GFRAL: variants seen among roughly 807,000 people sequenced by gnomAD.
GFRAL encodes the protein GDNF family receptor alpha like, also known as GDNF family receptor alpha-like.
Under a neutral mutation model 45.4 loss-of-function variants are expected in GFRAL, and 36 were observed. That is an observed-to-expected ratio of 0.79 (90% confidence interval 0.61 to 1.05). GFRAL has a LOEUF of 1.05. Ranked by LOEUF, GFRAL falls within the 50% of genes least tolerant of loss-of-function variation. The pLI is 0.00. For missense variants in GFRAL, 507 were observed against 467.5 expected (o/e 1.08, Z -0.78); for synonymous variants, 166 against 154.1 (o/e 1.08, Z -0.57).
rs1395778461 is a variant in GFRAL at position 55,357,857 on chromosome 6, A to AT, written c.702-1030dup. Among the ~76,000 whole-genome samples the AT allele has an allele frequency of 3.7e-4, 56 of 151,910 alleles. 1 individual carries two copies. Among genetic ancestry groups the AT allele is most frequent in the African/African-American group, 1.3e-3 (52 of 41,516 alleles). On this transcript the variant is annotated intron_variant, in intron 5 of 8. Transcript: ENST00000340465. ...AACATATTTAAAATGAATAAATAGC[A>AT]TGTAGGTACAGATGTAGTCTCTATC...
Position 55,399,206 on chromosome 6 carries a change from G to A in GFRAL, c.979G>A (p.Gly327Ser), listed in dbSNP as rs1250130814. Reference sequence around the variant, plus strand: ...TTATCCAACCCTGTCTAATGTCAAAGGCATGGCATTGTATACAAGAAAACA... The same window carrying A: ...TTATCCAACCCTGTCTAATGTCAAAAGCATGGCATTGTATACAAGAAAACA... ...FNYPTLSNVKGMALYTRKHAN... is the reference protein window; with the variant it reads ...FNYPTLSNVKSMALYTRKHAN... The change falls in exon 7 of 9, where the codon GGC becomes AGC. Residue 327 changes from glycine to serine, a missense_variant. Physicochemically the swap from Gly to Ser is moderately conservative, Grantham distance 56. Transcript: ENST00000340465. The A allele has an allele frequency of 6.3e-7, 1 of 1,598,122 alleles. No homozygotes were observed. The highest frequency in any genetic ancestry group is 1.1e-5 in the South Asian group (1 of 88,804).
chr6:55,400,668 TAA>T (rs1768884672), intron 8 of GFRAL, among the ~76,000 whole-genome samples: 1 of 152,014 alleles, frequency 6.6e-6, no homozygotes, highest in Admixed American at 6.6e-5. Context: ...TCCAAGGCCT[TAA>T]AAGTTACATT....
At chr6:55,335,854 CTG>C (rs1305913780) in intron 3 of GFRAL, among the ~76,000 whole-genome samples, 1 of 151,984 alleles carries the variant, frequency 6.6e-6, no homozygotes, top group Non-Finnish European at 1.5e-5. Context: ...ATTCCATTAA[CTG>C]TTACTTGAAA....
chr6:55,339,444 G>A (rs1251918673), intron 3 of GFRAL, among the ~76,000 whole-genome samples: 1 of 152,068 alleles, frequency 6.6e-6, no homozygotes, highest in African/African-American at 2.4e-5. Flanking sequence ...CTAAAACAGA[G>A]ATATAGAGGT....
At chr6:55,397,262 TAA>T (rs1768838436) in intron 6 of GFRAL, among the ~76,000 whole-genome samples, 1 of 139,318 alleles carries the variant, frequency 7.2e-6, no homozygotes, top group African/African-American at 2.8e-5. Context: ...CTCACGCCTG[TAA>T]TCCCAGCACT....
intron 6 of GFRAL, among the ~76,000 whole-genome samples, chr6:55,394,841 C>A (rs1768800721): frequency 6.6e-6 from 1 of 151,932 alleles, no homozygotes. Flanking sequence ...TTTAAAAAAT[C>A]TCCACTGTCT....
At chr6:55,330,734 CAG>C (rs1767818805) in intron 1 of GFRAL, among the ~76,000 whole-genome samples, 1 of 151,924 alleles carries the variant, frequency 6.6e-6, no homozygotes, top group African/African-American at 2.4e-5. Context: ...GGATATAAAA[CAG>C]AAAAATGGCA....
intron 3 of GFRAL, among the ~76,000 whole-genome samples, chr6:55,338,643 C>G (rs536161129): frequency 4.5e-4 from 69 of 152,214 alleles, no homozygotes; most frequent in African/African-American, 1.6e-3. Context: ...CAGAAGACTT[C>G]ACAGAATTGT....
intron 4 of GFRAL, among the ~76,000 whole-genome samples, chr6:55,350,664 A>C (rs1768104923): frequency 6.6e-6 from 1 of 152,128 alleles, no homozygotes. Flanking sequence ...TCATGCCACT[A>C]TACAACAAGA....
At chr6:55,371,667 A>C (rs1768452105) in intron 6 of GFRAL, among the ~76,000 whole-genome samples, 1 of 152,208 alleles carries the variant, frequency 6.6e-6, no homozygotes, top group Non-Finnish European at 1.5e-5. Context: ...ATGAATGCTG[A>C]ATTTTATTAA....
chr6:55,341,829 T>A (rs897005408), intron 3 of GFRAL, among the ~76,000 whole-genome samples: 4 of 152,122 alleles, frequency 2.6e-5, no homozygotes, highest in Non-Finnish European at 5.9e-5. Context: ...AGTCCTTAAA[T>A]GAGCTGATGG....
chr6:55,351,696 T>C lies in GFRAL; in HGVS notation c.701+113T>C, dbSNP rs761396390. 5 of 671,846 alleles carry C rather than the reference T, an allele frequency of 7.4e-6. No individual in the cohort carries two copies. In the South Asian group the frequency reaches 9.3e-5, roughly 13 times the overall value. 41.6% of individuals were successfully genotyped at this position (671,846 alleles called of 1,614,324 possible). ...CTAGAGTTCCCACCATCATCCAACA[T>C]AGTGTAAATAAAACCAGACAATTAA... On this transcript the variant is annotated intron_variant, in intron 5 of 8. Coordinates refer to ENST00000340465, the MANE Select transcript of GFRAL (RefSeq NM_207410.2).
At chr6:55,381,269 G>A (rs1428292359) in intron 6 of GFRAL, among the ~76,000 whole-genome samples, 2 of 151,820 alleles carry the variant, frequency 1.3e-5, no homozygotes, top group Non-Finnish European at 2.9e-5. Flanking sequence ...TCCTCAAAAT[G>A]TATATAGTCT....
At chr6:55,394,112 T>C (rs1768791074) in intron 6 of GFRAL, among the ~76,000 whole-genome samples, 1 of 152,160 alleles carries the variant, frequency 6.6e-6, no homozygotes, top group South Asian at 2.1e-4. Flanking sequence ...CCAGATTACC[T>C]GAATAATATA....
chr6:55,344,202 A>T (rs142682268), intron 3 of GFRAL, among the ~76,000 whole-genome samples: 1,986 of 152,278 alleles, frequency 0.013, 23 homozygotes, highest in Non-Finnish European at 0.022. Flanking sequence ...ACCAGCATCA[A>T]CCTGATAACA....
intron 3 of GFRAL, among the ~76,000 whole-genome samples, chr6:55,345,696 G>C (rs1304673900): frequency 6.6e-6 from 1 of 152,130 alleles, no homozygotes; most frequent in Non-Finnish European, 1.5e-5. Flanking sequence ...TGACAAATGG[G>C]ATCTAATTAA....
rs1768229946 is a variant in GFRAL at position 55,358,754 on chromosome 6, A to G, written c.702-134A>G. On this transcript the variant is annotated intron_variant, in intron 5 of 8. Transcript: ENST00000340465. ...ACCTATGGTGATTTTTCAAATCACA[A>G]ATTTACTTTTCAACTATGTACTGGC... 4 of 738,802 alleles carry G rather than the reference A, an allele frequency of 5.4e-6. No homozygotes were observed. In the South Asian group the frequency reaches 8.2e-5, roughly 15 times the overall value. 45.8% of individuals were successfully genotyped at this position (738,802 alleles called of 1,614,324 possible).
At chr6:55,401,726 C>A in intron 8 of GFRAL, 64 bp from the exon 9 acceptor site, 1 of 974,696 alleles carries the variant, frequency 1.0e-6, no homozygotes, top group Non-Finnish European at 1.7e-6. Flanking sequence ...TGCAAACACA[C>A]ACAAGCACAT....
At chr6:55,392,283 G>A (rs1320461703) in intron 6 of GFRAL, among the ~76,000 whole-genome samples, 2 of 152,032 alleles carry the variant, frequency 1.3e-5, no homozygotes, top group East Asian at 1.9e-4. Flanking sequence ...AGAACTTTAC[G>A]GGAGCAAGGT....
Sources: gnomAD v4.1 joint callset for allele counts (sites outside exome capture counted in the v4.1 genomes callset) on GRCh38, gnomAD v4.1.1 for gene constraint, MANE v1.5 for transcripts, NCBI Gene and HGNC (gene_info 2026-07-23, HGNC 2026-07-21) for gene names.